The following SYNPR variants were observed in gnomAD, a reference collection of about 807,000 sequenced individuals.
SYNPR encodes synaptoporin.
A neutral mutation model predicts 32.9 loss-of-function variants in SYNPR; 23 were observed. The ratio of observed to expected loss-of-function variants is 0.70; its 90% CI spans 0.50 to 0.99. The LOEUF (loss-of-function observed/expected upper bound fraction) is 0.99, where lower values mean the gene tolerates loss of function less well. Among genes scored for constraint, SYNPR ranks in the 50% least tolerant of loss-of-function variants. SYNPR has a pLI of 0.00. For synonymous variants in SYNPR, 146 were observed against 135.9 expected (o/e 1.07, Z -0.52); for missense variants, 318 against 349.3 (o/e 0.91, Z 0.71).
Position 63,242,766 on chromosome 3 carries a change from T to C in SYNPR, n.67-9733T>C, listed in dbSNP as rs7639984. ...CAACCAAAAGGAAGAATTTGCACAC[T>C]AATAAGAACAAATAGAATTATCTGA... On this transcript the variant is annotated intron_variant and non_coding_transcript_variant, in intron 1 of 4. Coordinates refer to the SYNPR transcript ENST00000478456. Among the ~76,000 whole-genome samples the C allele has an allele frequency of 2.1e-3, 323 of 152,144 alleles. 2 individuals are homozygous for C. The highest frequency in any genetic ancestry group is 7.5e-3 in the African/African-American group (310 of 41,534).
intron 1 of SYNPR, among the ~76,000 whole-genome samples, chr3:63,232,721 G>A (rs17300316): frequency 0.069 from 10,570 of 152,138 alleles, 417 homozygotes; most frequent in South Asian, 0.082. Flanking sequence ...TCTGTAAAAC[G>A]GGAATGGGCT....
chr3:63,262,426 G>C (rs1267384884), intron 2 of SYNPR, among the ~76,000 whole-genome samples: 2 of 152,178 alleles, frequency 1.3e-5, no homozygotes, highest in Non-Finnish European at 2.9e-5. Context: ...AAGTTATCTA[G>C]TGGCTTCTTC....
chr3:63,432,347 G>A (rs1349600925), intron 2 of SYNPR, among the ~76,000 whole-genome samples: 1 of 152,122 alleles, frequency 6.6e-6, no homozygotes, highest in African/African-American at 2.4e-5. Context: ...AAGCCTTCTG[G>A]TGGTACACAG....
At chr3:63,489,959 G>T (rs1701229071) in intron 3 of SYNPR, among the ~76,000 whole-genome samples, 2 of 152,158 alleles carry the variant, frequency 1.3e-5, no homozygotes, top group South Asian at 4.1e-4. Flanking sequence ...GGAGTGACAT[G>T]AGACACCAAA....
At chr3:63,455,860 C>T (rs1432961190) in intron 2 of SYNPR, among the ~76,000 whole-genome samples, 1 of 151,406 alleles carries the variant, frequency 6.6e-6, no homozygotes, top group Non-Finnish European at 1.5e-5. Flanking sequence ...CCAAAGCAGA[C>T]CTCCAATATC....
intron 1 of SYNPR, among the ~76,000 whole-genome samples, chr3:63,232,368 A>T (rs2106874116): frequency 6.6e-6 from 1 of 151,070 alleles, no homozygotes; most frequent in Non-Finnish European, 1.5e-5. Context: ...GGCCCGGTGA[A>T]TTTTTGTATT....
intron 4 of SYNPR, among the ~76,000 whole-genome samples, chr3:63,584,819 A>G (rs941126994): frequency 6.6e-6 from 1 of 152,090 alleles, no homozygotes; most frequent in African/African-American, 2.4e-5. Context: ...TCTGGAGTAG[A>G]CTGGGAAGTA....
chr3:63,279,145 G>A (rs889930000), intron 2 of SYNPR, among the ~76,000 whole-genome samples: 3 of 152,160 alleles, frequency 2.0e-5, no homozygotes, highest in African/African-American at 7.2e-5. Context: ...GTTGAGCGGA[G>A]GAGCCGGGAA....
chr3:63,317,711 T>C (rs2087058166), intron 2 of SYNPR, among the ~76,000 whole-genome samples: 1 of 152,090 alleles, frequency 6.6e-6, no homozygotes, highest in South Asian at 2.1e-4. Flanking sequence ...AACTAGAGCA[T>C]TTAGGCCATT....
chr3:63,365,051 G>C (rs17068374), intron 2 of SYNPR, among the ~76,000 whole-genome samples: 1 of 152,124 alleles, frequency 6.6e-6, no homozygotes, highest in Non-Finnish European at 1.5e-5. Flanking sequence ...CACGAAAAGG[G>C]AGTGATCACT....
intron 2 of SYNPR, among the ~76,000 whole-genome samples, chr3:63,286,353 G>A (rs376878601): frequency 9.2e-5 from 14 of 152,236 alleles, no homozygotes; most frequent in South Asian, 4.1e-4. Flanking sequence ...AGACAATTTC[G>A]TACACTTGAA....
At chr3:63,260,599 A>C (rs538467813) in intron 2 of SYNPR, among the ~76,000 whole-genome samples, 10 of 152,368 alleles carry the variant, frequency 6.6e-5, no homozygotes, top group Admixed American at 1.3e-4. Flanking sequence ...TAAATGTTAG[A>C]TCTAAAACCA....
At chr3:63,521,958 G>T (rs939899704) in intron 3 of SYNPR, among the ~76,000 whole-genome samples, 4 of 152,194 alleles carry the variant, frequency 2.6e-5, no homozygotes, top group Admixed American at 2.6e-4. Context: ...AAAAGAGCAG[G>T]TTGAGGCAGT....
intron 2 of SYNPR, among the ~76,000 whole-genome samples, chr3:63,300,318 G>C (rs2086830661): frequency 9.4e-6 from 1 of 106,348 alleles, no homozygotes; most frequent in African/African-American, 3.2e-5. Flanking sequence ...GTGAATTCTA[G>C]AACATTCTTT....
At chr3:63,279,283 A>C (rs2086606343) in intron 2 of SYNPR, among the ~76,000 whole-genome samples, 1 of 152,172 alleles carries the variant, frequency 6.6e-6, no homozygotes, top group Non-Finnish European at 1.5e-5. Flanking sequence ...AAGCTATTAC[A>C]GACTGTTATA....
At chr3:63,550,607 C>G (rs559815359) in intron 3 of SYNPR, among the ~76,000 whole-genome samples, 1 of 152,060 alleles carries the variant, frequency 6.6e-6, no homozygotes, top group Non-Finnish European at 1.5e-5. Context: ...ATATTTTATT[C>G]TCTCCCTCCC....
intron 2 of SYNPR, among the ~76,000 whole-genome samples, chr3:63,445,153 G>T (rs1031688488): frequency 2.6e-5 from 4 of 151,980 alleles, no homozygotes; most frequent in African/African-American, 9.7e-5. Flanking sequence ...GGTTGTATGT[G>T]AAGTCATTTG....
chr3:63,521,123 C>G (rs905096011), intron 3 of SYNPR, among the ~76,000 whole-genome samples: 14 of 152,312 alleles, frequency 9.2e-5, no homozygotes, highest in Middle Eastern at 3.4e-3. Context: ...TCTCCATAAT[C>G]CAGCTTTCTA....
intron 2 of SYNPR, among the ~76,000 whole-genome samples, chr3:63,410,243 C>A (rs1401516971): frequency 1.3e-5 from 2 of 152,116 alleles, no homozygotes; most frequent in Admixed American, 1.3e-4. Context: ...TTGTCTTTAT[C>A]ATCTCTGGTA....
Sources: allele counts gnomAD v4.1 joint callset (sites outside exome capture counted in the v4.1 genomes callset), GRCh38; gene constraint gnomAD v4.1.1; transcripts MANE v1.5; gene names NCBI Gene and HGNC (gene_info 2026-07-23, HGNC 2026-07-21).